The following DLGAP1 variants were observed in gnomAD, a reference collection of about 807,000 sequenced individuals.
DLGAP1 encodes the protein DLG associated protein 1.
In DLGAP1, 11 loss-of-function variants were observed where a neutral mutation model predicts 90.8. That is an observed-to-expected ratio of 0.12 (90% CI 0.08 to 0.20). DLGAP1 has a LOEUF of 0.20. Ranked by LOEUF, DLGAP1 falls within the 10% of genes least tolerant of loss-of-function variation. The probability of loss-of-function intolerance (pLI) is 1.00; values close to 1 mark genes in which losing one functional copy is unlikely to be tolerated. For missense variants in DLGAP1, 1,050 were observed against 1,333.8 expected (o/e 0.79, Z 3.31); for synonymous variants, 558 against 540.7 (o/e 1.03, Z -0.44).
intron 3 of DLGAP1, among the ~76,000 whole-genome samples, chr18:3,932,117 T>C (rs1357876853): frequency 6.6e-6 from 1 of 152,078 alleles, no homozygotes; most frequent in Non-Finnish European, 1.5e-5. Context: ...TACTTAAGCA[T>C]CCTAATAAGG....
intron 1 of DLGAP1, among the ~76,000 whole-genome samples, chr18:4,174,772 C>A (rs1283656813): frequency 1.3e-5 from 2 of 152,184 alleles, no homozygotes; most frequent in Non-Finnish European, 2.9e-5. Context: ...CCTGCCACCC[C>A]CCAACTGGCC....
chr18:3,843,151 C>T (rs2068815793), intron 4 of DLGAP1, among the ~76,000 whole-genome samples: 1 of 152,150 alleles, frequency 6.6e-6, no homozygotes, highest in East Asian at 1.9e-4. Context: ...GGGGGTGCTT[C>T]TTTCTCTAGA....
intron 7 of DLGAP1, among the ~76,000 whole-genome samples, chr18:3,705,879 G>A (rs562336918): frequency 5.1e-4 from 77 of 150,752 alleles, no homozygotes; most frequent in Non-Finnish European, 9.3e-4. Context: ...GGCTGGTCTC[G>A]AACTCCTGGC....
chr18:3,751,872 T>C (rs919484012), intron 5 of DLGAP1, among the ~76,000 whole-genome samples: 4 of 143,014 alleles, frequency 2.8e-5, no homozygotes, highest in Non-Finnish European at 6.0e-5. Flanking sequence ...CTTCTTCTTC[T>C]TCTTCTTCTT....
At chr18:3,668,494 A>G (rs919050160) in intron 7 of DLGAP1, among the ~76,000 whole-genome samples, 1 of 152,022 alleles carries the variant, frequency 6.6e-6, no homozygotes, top group Non-Finnish European at 1.5e-5. Context: ...TTAATTTGCA[A>G]ATTTTTGTAG....
intron 3 of DLGAP1, among the ~76,000 whole-genome samples, chr18:3,976,318 C>T (rs1212232282): frequency 6.6e-6 from 1 of 150,618 alleles, no homozygotes; most frequent in African/African-American, 2.4e-5. Flanking sequence ...AGAGGTTGCA[C>T]TGCACTCCAG....
chr18:4,273,246 T>A (rs759495071), intron 1 of DLGAP1, among the ~76,000 whole-genome samples: 5 of 152,188 alleles, frequency 3.3e-5, no homozygotes, highest in Non-Finnish European at 7.4e-5. Context: ...TCTCACCATG[T>A]TGAGAAATAG....
chr18:3,582,070 G>C lies in DLGAP1; in HGVS notation c.1770C>G (p.Thr590=). The C allele has an allele frequency of 6.2e-7, 1 of 1,613,984 alleles. No individual in the cohort carries two copies. The highest frequency in any genetic ancestry group is 8.5e-7 in the Non-Finnish European group (1 of 1,180,000). ...GAGCCTTCATACTGTCCAGGCTCTC[G>C]GTGGAGTTGCTGAGTCCAGACTGGC... ...IISQSGLSNS[T]ESLDSMKALT... The change falls in exon 8 of 13, where the codon ACC becomes ACG. Residue 590 remains threonine (T), a synonymous_variant. Coordinates refer to ENST00000315677, the MANE Select transcript of DLGAP1 (RefSeq NM_004746.4).
rs1249176574 is a variant in DLGAP1, at chr18:3,892,697, G to C, written c.-72-12557C>G. On this transcript the variant is annotated intron_variant, in intron 3 of 12. Transcript: ENST00000315677. Reference sequence around the variant, plus strand: ...CGCATATATAATGCACCAAGTGAAAGCCTTTGGAAAAAAGAAGTCTGGAAG... The same window carrying C: ...CGCATATATAATGCACCAAGTGAAACCCTTTGGAAAAAAGAAGTCTGGAAG... Among the ~76,000 whole-genome samples, 3 of 152,026 alleles carry C rather than the reference G, an allele frequency of 2.0e-5. No individual in the cohort carries two copies. The South Asian group carries it at 6.2e-4, about 32-fold the overall frequency.
chr18:3,635,342 T>C (rs1470619434), intron 7 of DLGAP1, among the ~76,000 whole-genome samples: 2 of 151,740 alleles, frequency 1.3e-5, no homozygotes, highest in African/African-American at 2.4e-5. Flanking sequence ...TTCACCTTGT[T>C]AGCCAGGATG....
At chr18:3,737,392 G>A (rs1264181005) in intron 6 of DLGAP1, among the ~76,000 whole-genome samples, 3 of 146,292 alleles carry the variant, frequency 2.1e-5, no homozygotes, top group African/African-American at 5.0e-5. Flanking sequence ...CTGGCAAAAC[G>A]AATCCAGCAG....
chr18:3,551,595 TTTTCTTTTTC>T (rs1460606010), intron 9 of DLGAP1, among the ~76,000 whole-genome samples: 51 of 91,644 alleles, frequency 5.6e-4, no homozygotes, highest in African/African-American at 1.8e-3. Context: ...CTTTCTTTCT[TTTTCTTTTTC>T]TTTCTTTCTT....
chr18:4,441,531 C>A (rs540305852), intron 1 of DLGAP1, among the ~76,000 whole-genome samples: 1 of 152,316 alleles, frequency 6.6e-6, no homozygotes. Flanking sequence ...ATGGTGATTT[C>A]TTAATACCGC....
intron 7 of DLGAP1, among the ~76,000 whole-genome samples, chr18:3,697,631 G>A (rs377709345): frequency 3.4e-4 from 52 of 152,132 alleles, no homozygotes; most frequent in African/African-American, 1.2e-3. Flanking sequence ...TAGAATAAGT[G>A]TGATGTGTTG....
intron 2 of DLGAP1, among the ~76,000 whole-genome samples, chr18:4,133,513 T>C (rs2144232399): frequency 6.6e-6 from 1 of 152,194 alleles, no homozygotes; most frequent in Non-Finnish European, 1.5e-5. Flanking sequence ...TCTCCTGGAG[T>C]CTGGTCACCA....
rs1423949351 is a variant in DLGAP1 at position 4,378,800 on chromosome 18, G to A, written c.-267+76206C>T. 1.3e-5 allele frequency among the ~76,000 whole-genome samples: 2 copies of A among 152,066 alleles called. No individual in the cohort carries two copies. The highest frequency in any genetic ancestry group is 4.8e-5 in the African/African-American group (2 of 41,418). The stretch of plus-strand genomic sequence containing the variant: ...CTCCTAACAGCTTGGTTGTGTCACA[G>A]TTCCATAAACACCATTCCATGAACC... On this transcript the variant is annotated intron_variant, in intron 1 of 12. Coordinates refer to ENST00000315677, the MANE Select transcript of DLGAP1 (RefSeq NM_004746.4). This position sits in a 1 kb window ranked among gnomAD's most constrained non-coding sequence, Gnocchi z 4.5.
intron 3 of DLGAP1, among the ~76,000 whole-genome samples, chr18:3,909,862 A>T (rs534948907): frequency 5.4e-4 from 82 of 152,226 alleles, no homozygotes; most frequent in African/African-American, 1.9e-3. Context: ...TCTCTTGCCT[A>T]GATAATATGT....
chr18:3,745,283 G>A (rs777436577), intron 5 of DLGAP1, among the ~76,000 whole-genome samples: 1 of 152,160 alleles, frequency 6.6e-6, no homozygotes, highest in Non-Finnish European at 1.5e-5. Flanking sequence ...AGTGTTGGTT[G>A]CACAACTCTG....
intron 3 of DLGAP1, among the ~76,000 whole-genome samples, chr18:3,881,634 C>T (rs1455309818): frequency 6.6e-6 from 1 of 152,192 alleles, no homozygotes. Context: ...ACAAGATGAG[C>T]CGGGCGCGGT....
Sources: gnomAD v4.1 joint callset for allele counts (sites outside exome capture counted in the v4.1 genomes callset) on GRCh38, gnomAD v4.1.1 for gene constraint, Gnocchi (gnomAD v3.1) non-coding constraint, MANE v1.5 for transcripts, NCBI Gene and HGNC (gene_info 2026-07-23, HGNC 2026-07-21) for gene names.